The following TENM3 variants were observed in gnomAD, a reference collection of about 807,000 sequenced individuals.
TENM3 encodes teneurin-3.
Under a neutral mutation model 255.1 loss-of-function variants are expected in TENM3, and 63 were observed. That is an observed-to-expected ratio of 0.25 (90% CI 0.20 to 0.30). The LOEUF (loss-of-function observed/expected upper bound fraction) is 0.30, where lower values mean the gene tolerates loss of function less well. Among genes scored for constraint, TENM3 ranks in the 10% least tolerant of loss-of-function variants. TENM3 has a pLI of 1.00. For missense variants in TENM3, 2,929 were observed against 3,461.1 expected (o/e 0.85, Z 3.86); for synonymous variants, 1,306 against 1,322.3 (o/e 0.99, Z 0.27).
At chr4:181,891,939 T>C in the TENM3 span, among the ~76,000 whole-genome samples, 15 of 152,080 alleles carry the variant, frequency 9.9e-5, no homozygotes, top group Non-Finnish European at 1.3e-4. Flanking sequence ...TTGGATTAGG[T>C]ACCCTTCGAA....
At position 182,627,662 on chromosome 4, in the gene TENM3, CACTG is replaced by C. The variant is rs1312290990; in HGVS notation, c.750-987_750-984del. Among the ~76,000 whole-genome samples the C allele has an allele frequency of 3.9e-5, 6 of 152,252 alleles. No individual in the cohort carries two copies. In the East Asian group the frequency reaches 1.2e-3, roughly 29 times the overall value. Reference sequence around the variant, plus strand: ...ATATACTGTATATTCAGTGGATACTCACTGAATATACTGTAAGTAACCAGCATAA... The same window carrying C: ...ATATACTGTATATTCAGTGGATACTCAATATACTGTAAGTAACCAGCATAA... On this transcript the variant is annotated intron_variant, in intron 4 of 27. Transcript: ENST00000511685.
the TENM3 span, among the ~76,000 whole-genome samples, chr4:181,546,709 G>A: frequency 0.065 from 7,433 of 113,858 alleles, 255 homozygotes; most frequent in South Asian, 0.12. Flanking sequence ...GCGAGACTCC[G>A]TCTCAGAAAA....
rs56170155 is a variant in TENM3 at position 182,497,847 on chromosome 4, C to CAT, written c.512-103042_512-103041dup. Among the ~76,000 whole-genome samples the CAT allele has an allele frequency of 9.3e-3, 1,265 of 135,402 alleles. 18 individuals are homozygous for CAT. The highest frequency in any genetic ancestry group is 0.028 in the African/African-American group (868 of 30,542). 88.8% of individuals were successfully genotyped at this position (135,402 alleles called of 152,430 possible). On this transcript the variant is annotated intron_variant, in intron 3 of 27. Coordinates refer to ENST00000511685, the MANE Select transcript of TENM3 (RefSeq NM_001080477.4). Reference sequence around the variant, plus strand: ...ATATACCCCATCTCTACTAAAAATACATATATATATATATATATATATATA... The same window carrying CAT: ...ATATACCCCATCTCTACTAAAAATACATATATATATATATATATATATATATA...
the TENM3 span, among the ~76,000 whole-genome samples, chr4:181,537,385 G>A: frequency 5.9e-5 from 9 of 152,162 alleles, no homozygotes; most frequent in South Asian, 1.9e-3. Context: ...AGGCTAGCAG[G>A]GACGAAATTA....
At chr4:181,678,082 C>T in the TENM3 span, among the ~76,000 whole-genome samples, 3 of 152,134 alleles carry the variant, frequency 2.0e-5, no homozygotes, top group South Asian at 6.2e-4. Context: ...TTATTGAACA[C>T]TTACTGTGTG....
chr4:182,134,419 T>C, the TENM3 span, among the ~76,000 whole-genome samples: 1 of 152,182 alleles, frequency 6.6e-6, no homozygotes, highest in Non-Finnish European at 1.5e-5. Context: ...TTGTTCTCCC[T>C]TCTCTTTCCC....
At chr4:182,678,776 G>C (rs1755857678) in intron 7 of TENM3, among the ~76,000 whole-genome samples, 1 of 152,192 alleles carries the variant, frequency 6.6e-6, no homozygotes, top group Non-Finnish European at 1.5e-5. Context: ...ACTGTACAGG[G>C]TTATCTTGTG....
At chr4:182,679,211 A>T (rs1477599899) in intron 7 of TENM3, among the ~76,000 whole-genome samples, 1 of 98,092 alleles carries the variant, frequency 1.0e-5, no homozygotes, top group African/African-American at 2.7e-5. Context: ...AATAAAATTT[A>T]AAAAAAAGAA....
chr4:182,515,744 G>GAGAA (rs1281542418), intron 3 of TENM3, among the ~76,000 whole-genome samples: 1 of 152,124 alleles, frequency 6.6e-6, no homozygotes, highest in African/African-American at 2.4e-5. Context: ...AGTCACCTAA[G>GAGAA]AGAAATGGAA....
intron 13 of TENM3, among the ~76,000 whole-genome samples, chr4:182,728,100 C>T (rs1462592856): frequency 6.6e-6 from 1 of 152,136 alleles, no homozygotes; most frequent in East Asian, 1.9e-4. Flanking sequence ...ATGCCCACCT[C>T]AGCCTCCCAG....
intron 1 of TENM3, among the ~76,000 whole-genome samples, chr4:182,236,304 CT>C (rs1756900076): frequency 6.6e-6 from 1 of 152,140 alleles, no homozygotes; most frequent in Non-Finnish European, 1.5e-5. Context: ...TAAAGAATGC[CT>C]CCTGATAGAC....
At chr4:182,268,867 C>A (rs376926675) in intron 1 of TENM3, among the ~76,000 whole-genome samples, 1 of 152,160 alleles carries the variant, frequency 6.6e-6, no homozygotes. Context: ...CAGCAGCCCT[C>A]GGGGCTGCTC....
At chr4:181,962,339 T>C in the TENM3 span, among the ~76,000 whole-genome samples, 4 of 152,198 alleles carry the variant, frequency 2.6e-5, no homozygotes, top group South Asian at 2.1e-4. Flanking sequence ...ACTTGTAAGA[T>C]GGGTAAGCAG....
the TENM3 span, among the ~76,000 whole-genome samples, chr4:181,964,681 A>C: frequency 6.6e-6 from 1 of 152,230 alleles, no homozygotes; most frequent in South Asian, 2.1e-4. Flanking sequence ...TTATTGGTAT[A>C]CTGCATGCAC....
chr4:182,505,410 A>G (rs1736712100), intron 3 of TENM3, among the ~76,000 whole-genome samples: 1 of 152,084 alleles, frequency 6.6e-6, no homozygotes, highest in Non-Finnish European at 1.5e-5. Flanking sequence ...ACATTTTTTT[A>G]AAGATTTCTT....
chr4:181,805,979 C>T, the TENM3 span, among the ~76,000 whole-genome samples: 1 of 152,114 alleles, frequency 6.6e-6, no homozygotes, highest in Non-Finnish European at 1.5e-5. Flanking sequence ...TCCCCTAAGC[C>T]ATCCTCCGAT....
chr4:182,666,656 G>C (rs1754705941), intron 6 of TENM3, among the ~76,000 whole-genome samples: 1 of 152,168 alleles, frequency 6.6e-6, no homozygotes, highest in Non-Finnish European at 1.5e-5. Flanking sequence ...CAGCACTTTG[G>C]GTGGCCGAGG....
the TENM3 span, among the ~76,000 whole-genome samples, chr4:181,710,902 A>T: frequency 6.6e-6 from 1 of 151,396 alleles, no homozygotes; most frequent in Non-Finnish European, 1.5e-5. Flanking sequence ...AAAAAAAAAA[A>T]GAGAAATGAG....
chr4:181,529,553 G>A, the TENM3 span, among the ~76,000 whole-genome samples: 18,973 of 152,208 alleles, frequency 0.12, 1,340 homozygotes, highest in East Asian at 0.2. Context: ...CTACAATCAC[G>A]TGGGGTGGGG....
Sources: allele counts gnomAD v4.1 joint callset (sites outside exome capture counted in the v4.1 genomes callset), GRCh38; gene constraint gnomAD v4.1.1; transcripts MANE v1.5; gene names NCBI Gene and HGNC (gene_info 2026-07-23, HGNC 2026-07-21).